GPATCH2L: variants seen among roughly 807,000 people sequenced by gnomAD.
The protein encoded by GPATCH2L is G-patch domain containing 2 like.
In GPATCH2L, 31 loss-of-function variants were observed where a neutral mutation model predicts 57.4. The observed-to-expected ratio is 0.54, with a 90% confidence interval of 0.41 to 0.73. GPATCH2L has a LOEUF of 0.73. GPATCH2L is among the 30% of genes least tolerant of loss of function. The pLI is 0.00. For missense variants in GPATCH2L, 481 were observed against 599.9 expected, an observed-to-expected ratio of 0.80 and a Z score of 2.07; for synonymous variants, 199 against 210.7, an observed-to-expected ratio of 0.94 and a Z score of 0.48.
At chr14:76,158,682 G>A (rs8004675) in intron 2 of GPATCH2L, among the ~76,000 whole-genome samples, 85,382 of 152,038 alleles carry the variant, frequency 0.56, 26,324 homozygotes, top group South Asian at 0.77. Flanking sequence ...AGGTGGGGGT[G>A]TTCTGTTTTC....
At chr14:76,224,750 G>T (rs1217824551) in intron 1 of GPATCH2L, among the ~76,000 whole-genome samples, 1 of 152,088 alleles carries the variant, frequency 6.6e-6, no homozygotes, top group South Asian at 2.1e-4. Flanking sequence ...ACATCCAAAA[G>T]AATCTATGGT....
chr14:76,227,566 A>G (rs1342958803), intron 1 of GPATCH2L, among the ~76,000 whole-genome samples: 4 of 152,238 alleles, frequency 2.6e-5, no homozygotes, highest in African/African-American at 9.6e-5. Context: ...CTTCAGTGGC[A>G]GCATCCTTGC....
At chr14:76,197,157 G>A (rs1291466574) in intron 9 of GPATCH2L, among the ~76,000 whole-genome samples, 1 of 152,028 alleles carries the variant, frequency 6.6e-6, no homozygotes, top group Non-Finnish European at 1.5e-5. Context: ...AGATCAGACC[G>A]GTTTCCTTGT....
At chr14:76,182,935 CT>C (rs1482350183) in intron 8 of GPATCH2L, among the ~76,000 whole-genome samples, 2 of 152,222 alleles carry the variant, frequency 1.3e-5, no homozygotes, top group Non-Finnish European at 2.9e-5. Flanking sequence ...AGTCCTTTAG[CT>C]TTTTGTCTTA....
rs1031842727 is a variant in GPATCH2L at position 76,202,995 on chromosome 14, A to G, written c.*1144A>G. 4.6e-5 allele frequency: 7 copies of G among 152,080 alleles called. No homozygotes were observed. The highest frequency in any genetic ancestry group is 1.0e-4 in the Non-Finnish European group (7 of 68,016). 9.4% of individuals were successfully genotyped at this position (152,080 alleles called of 1,614,324 possible). ...CAGAAGGGCTCTTTTTTTTATACCA[A>G]TGAGTGCGTTTACTCTGAAATACAT... On this transcript the variant is annotated 3_prime_UTR_variant, in exon 10 of 10. Coordinates refer to ENST00000261530, the MANE Select transcript of GPATCH2L (RefSeq NM_017926.4).
chr14:76,183,245 GA>G (rs1168141452), intron 8 of GPATCH2L, among the ~76,000 whole-genome samples: 1 of 152,214 alleles, frequency 6.6e-6, no homozygotes, highest in Non-Finnish European at 1.5e-5. Context: ...GAAACCTGAG[GA>G]AGTCTCTACT....
intron 1 of GPATCH2L, among the ~76,000 whole-genome samples, chr14:76,226,266 G>A (rs1038301797): frequency 1.3e-5 from 2 of 152,170 alleles, no homozygotes; most frequent in African/African-American, 2.4e-5. Flanking sequence ...ATAGAACACT[G>A]TACAGAAATG....
At chr14:76,166,513 A>G in intron 2 of GPATCH2L, 150 bp from the exon 3 acceptor site, 1 of 517,002 alleles carries the variant, frequency 1.9e-6, no homozygotes. Context: ...GGAGGAAAAT[A>G]AAACTTTGTA....
chr14:76,160,771 A>G lies in GPATCH2L; in HGVS notation c.662+5746A>G, dbSNP rs182593263. On this transcript the variant is annotated intron_variant, in intron 2 of 9. Coordinates refer to ENST00000261530, the MANE Select transcript of GPATCH2L (RefSeq NM_017926.4). ...GCCCCAGAATCCATGTTCTTTAAAA[A>G]TTTACTGTGAGAAGACGTTCCATCT... Among the ~76,000 whole-genome samples, 742 of 152,324 alleles carry G rather than the reference A, an allele frequency of 4.9e-3. 3 individuals carry two copies. The highest frequency in any genetic ancestry group is 0.013 in the South Asian group (62 of 4,826).
chr14:76,198,822 T>C (rs1309990938), intron 9 of GPATCH2L, among the ~76,000 whole-genome samples: 2 of 152,176 alleles, frequency 1.3e-5, no homozygotes, highest in African/African-American at 4.8e-5. Context: ...ACTGTACCCC[T>C]AGCATCTAAA....
Position 76,154,923 on chromosome 14 carries a change from C to G in GPATCH2L, c.560C>G (p.Ser187Ter). 1 of 1,614,112 alleles carries G rather than the reference C, an allele frequency of 6.2e-7. No individual in the cohort carries two copies. Residue 187 changes from serine to a stop codon, truncating the protein, a stop_gained, in exon 2 of 10, where the codon TCA becomes TGA. Coordinates refer to ENST00000261530, the MANE Select transcript of GPATCH2L (RefSeq NM_017926.4). LOFTEE classifies it high-confidence loss of function. This position sits in a 1 kb window ranked among gnomAD's most constrained non-coding sequence, Gnocchi z 4.4. ...TCATCAGGCCACGGATTGTGTGAAT[C>G]AGCAGAAAATAGGACTTTCCTAAGC... ...WTSSGHGLCE[S>*]AENRTFLSKT...
chr14:76,218,027 A>C (rs973909961), downstream of GPATCH2L, among the ~76,000 whole-genome samples: 4 of 152,226 alleles, frequency 2.6e-5, no homozygotes, highest in African/African-American at 9.6e-5. Context: ...TATTTCAGGA[A>C]TGCAAGGATC....
At chr14:76,235,401 T>C (rs1391775254) in intron 2 of GPATCH2L, among the ~76,000 whole-genome samples, 4 of 152,142 alleles carry the variant, frequency 2.6e-5, no homozygotes, top group African/African-American at 4.8e-5. Flanking sequence ...TGAGATCTTA[T>C]GGTTTTATAA....
chr14:76,222,965 A>G (rs1029209192), intron 1 of GPATCH2L, among the ~76,000 whole-genome samples: 3 of 151,976 alleles, frequency 2.0e-5, no homozygotes, highest in African/African-American at 7.2e-5. Context: ...AAAAAAAAAA[A>G]AAAAAAGAAA....
chr14:76,200,246 T>C (rs757871944), intron 9 of GPATCH2L, among the ~76,000 whole-genome samples: 5 of 152,142 alleles, frequency 3.3e-5, no homozygotes, highest in Admixed American at 1.3e-4. Flanking sequence ...TGGTGATAAA[T>C]AGTGGTGACA....
chr14:76,200,256 A>G (rs751552011), intron 9 of GPATCH2L, among the ~76,000 whole-genome samples: 2 of 152,220 alleles, frequency 1.3e-5, no homozygotes, highest in African/African-American at 2.4e-5. Flanking sequence ...TAGTGGTGAC[A>G]GTTATACAAC....
chr14:76,161,705 G>A lies in GPATCH2L; in HGVS notation c.663-4958G>A, dbSNP rs537325401. ...TCAACAAAGAGTTTATAAAGATTCT[G>A]TATTATCTGTTGCTGCAGAAAAAAT... On this transcript the variant is annotated intron_variant, in intron 2 of 9. Coordinates refer to ENST00000261530, the MANE Select transcript of GPATCH2L (RefSeq NM_017926.4). 4.6e-5 allele frequency among the ~76,000 whole-genome samples: 7 copies of A among 152,320 alleles called. No homozygotes were observed. In the South Asian group the frequency reaches 1.4e-3, roughly 32 times the overall value.
rs1566820475 is a variant in GPATCH2L at position 76,205,639 on chromosome 14, G to GCTGTAT, written c.*3795_*3800dup. On this transcript the variant is annotated 3_prime_UTR_variant, in exon 10 of 10. Transcript: ENST00000261530. ...GCATGTTGTAGTTAGAGACACTGTA[G>GCTGTAT]CTGTATCTGTATACCTGTAATATAG... The GCTGTAT allele has an allele frequency of 6.6e-6, 1 of 152,346 alleles. No homozygotes were observed. The highest frequency in any genetic ancestry group is 1.9e-4 in the East Asian group (1 of 5,190). 9.4% of individuals were successfully genotyped at this position (152,346 alleles called of 1,614,324 possible).
intron 7 of GPATCH2L, chr14:76,178,926 G>T (rs910627553): frequency 1.3e-5 from 2 of 152,194 alleles, no homozygotes; most frequent in African/African-American, 4.8e-5. Flanking sequence ...AACTCACAGT[G>T]GTTATCGATA....
Sources: allele counts gnomAD v4.1 joint callset (sites outside exome capture counted in the v4.1 genomes callset), GRCh38; gene constraint gnomAD v4.1.1; non-coding constraint Gnocchi (gnomAD v3.1); transcripts MANE v1.5; gene names NCBI Gene and HGNC (gene_info 2026-07-23, HGNC 2026-07-21).